The following LAMA2 variants were observed in gnomAD, a reference collection of about 807,000 sequenced individuals.
LAMA2 encodes laminin subunit alpha 2.
Under a neutral mutation model 364.8 loss-of-function variants are expected in LAMA2, and 269 were observed. The observed-to-expected ratio is 0.74, with a 90% CI of 0.67 to 0.82. The LOEUF is 0.82. Among genes scored for constraint, LAMA2 ranks in the 40% least tolerant of loss-of-function variants. LAMA2 has a pLI of 0.00. For synonymous variants in LAMA2, 1,379 were observed against 1,370.6 expected, an observed-to-expected ratio of 1.01 and a Z score of -0.14; for missense variants, 3,807 against 3,873.2, an observed-to-expected ratio of 0.98 and a Z score of 0.45.
chr6:129,349,406 A>G lies in LAMA2; in HGVS notation c.4523+22A>G, dbSNP rs201448371. 1.5e-5 allele frequency: 23 copies of G among 1,562,640 alleles called. No homozygotes were observed. In the African/African-American group the frequency reaches 2.8e-4, roughly 19 times the overall value. ...AAAGGTACCAACAGCCATGAAACGT[A>G]CAGAGTAATGATATGTAGGGACTAT... On this transcript the variant is annotated intron_variant, in intron 31 of 64. Coordinates refer to ENST00000421865, the MANE Select transcript of LAMA2 (RefSeq NM_000426.4).
chr6:129,439,846 ATATC>A (rs908418949), intron 42 of LAMA2, among the ~76,000 whole-genome samples: 123 of 138,028 alleles, frequency 8.9e-4, no homozygotes, highest in East Asian at 2.2e-3. Flanking sequence ...ATATATATAT[ATATC>A]TATCTCAATT....
At position 129,146,950 on chromosome 6, in the gene LAMA2, T is replaced by A. The variant is rs1778492207; in HGVS notation, c.820-9T>A. ...TTAACAGGATTTCTCTCTGGATTGC[T>A]TTTTGCAGTATTACTACTCGGTCAA... On this transcript the variant is annotated splice_polypyrimidine_tract_variant and intron_variant, in intron 5 of 64. Coordinates refer to ENST00000421865, the MANE Select transcript of LAMA2 (RefSeq NM_000426.4). The A allele has an allele frequency of 2.5e-6, 4 of 1,577,906 alleles. No homozygotes were observed. Among genetic ancestry groups the A allele is most frequent in the Non-Finnish European group, 3.5e-6 (4 of 1,147,338 alleles).
intron 1 of LAMA2, among the ~76,000 whole-genome samples, chr6:128,937,591 A>G (rs556796110): frequency 6.6e-6 from 1 of 152,084 alleles, no homozygotes; most frequent in African/African-American, 2.4e-5. Flanking sequence ...TTGGTGTATA[A>G]TTGTTCATAG....
chr6:129,353,289 C>A lies in LAMA2; in HGVS notation c.4649C>A (p.Pro1550His), dbSNP rs1554278657. The change falls in exon 32 of 65, where the codon CCT becomes CAT. Residue 1550 changes from proline to histidine, a missense_variant. By Grantham distance (77) the Pro-to-His change is moderately conservative. Coordinates refer to ENST00000421865, the MANE Select transcript of LAMA2 (RefSeq NM_000426.4). ...DPVTGFCTCRPGATGRKCDGC... is the reference protein window; with the variant it reads ...DPVTGFCTCRHGATGRKCDGC... ...GTCACAGGATTCTGCACGTGCCGAC[C>A]TGGAGCCACGGGAAGGAAGTGTGAC... The A allele has an allele frequency of 6.2e-7, 1 of 1,614,130 alleles. No homozygotes were observed. The highest frequency in any genetic ancestry group is 2.2e-5 in the East Asian group (1 of 44,882).
chr6:129,448,068 G>A (rs972758849), intron 45 of LAMA2, among the ~76,000 whole-genome samples: 2 of 152,128 alleles, frequency 1.3e-5, no homozygotes, highest in Non-Finnish European at 1.5e-5. Flanking sequence ...CAGGCAGATT[G>A]CATGAACTCA....
At chr6:129,378,994 G>T (rs1333731069) in intron 34 of LAMA2, among the ~76,000 whole-genome samples, 1 of 152,038 alleles carries the variant, frequency 6.6e-6, no homozygotes, top group Non-Finnish European at 1.5e-5. Flanking sequence ...AAGAAAATGT[G>T]GTACATACAC....
intron 22 of LAMA2, among the ~76,000 whole-genome samples, chr6:129,305,928 G>T (rs975645193): frequency 1.3e-5 from 2 of 148,958 alleles, no homozygotes; most frequent in South Asian, 2.1e-4. Flanking sequence ...CTTTGGTTTT[G>T]TCTAGGAATA....
intron 9 of LAMA2, among the ~76,000 whole-genome samples, chr6:129,170,674 T>G (rs537747452): frequency 6.6e-4 from 101 of 152,192 alleles, no homozygotes; most frequent in African/African-American, 2.2e-3. Flanking sequence ...AGATGTTTAT[T>G]AGGTCCGCTT....
intron 37 of LAMA2, among the ~76,000 whole-genome samples, chr6:129,395,918 T>A (rs1006558361): frequency 2.0e-5 from 3 of 152,164 alleles, no homozygotes; most frequent in African/African-American, 7.2e-5. Context: ...GAAGACTGCA[T>A]GTGAACGACT....
intron 29 of LAMA2, among the ~76,000 whole-genome samples, chr6:129,340,830 C>CA (rs34264921): frequency 0.066 from 3,907 of 58,872 alleles, 132 homozygotes; most frequent in Non-Finnish European, 0.085. Flanking sequence ...AGCTCTGTCT[C>CA]AAAAAAAAAA....
chr6:129,126,442 A>T (rs1777119273), intron 4 of LAMA2, among the ~76,000 whole-genome samples: 1 of 152,220 alleles, frequency 6.6e-6, no homozygotes, highest in African/African-American at 2.4e-5. Context: ...ACATAAAAAT[A>T]AAATGTTTCT....
intron 3 of LAMA2, among the ~76,000 whole-genome samples, chr6:129,089,050 G>C (rs9402103): frequency 6.6e-6 from 1 of 152,092 alleles, no homozygotes; most frequent in Non-Finnish European, 1.5e-5. Flanking sequence ...ACGAGACTCC[G>C]TCTGCAATCT....
At chr6:129,112,584 A>G (rs1289814887) in intron 4 of LAMA2, among the ~76,000 whole-genome samples, 1 of 152,046 alleles carries the variant, frequency 6.6e-6, no homozygotes, top group Non-Finnish European at 1.5e-5. Context: ...ATAAATAAAT[A>G]TTGAGCACTG....
chr6:129,391,792 C>CATCTATCTATCTATCT lies in LAMA2; in HGVS notation c.5234+150_5234+165dup, dbSNP rs10648375. ...TGGAGATATTTGCTATGTTATCTAT[C>CATCTATCTATCTATCT]ATCTATCTATCTATCTATCTATCTA... On this transcript the variant is annotated intron_variant, in intron 36 of 64. Transcript: ENST00000421865. 364 of 681,640 alleles carry CATCTATCTATCTATCT rather than the reference C, an allele frequency of 5.3e-4. 1 individual carries two copies. In the African/African-American group the frequency reaches 6.5e-3, roughly 12 times the overall value. 42.2% of individuals were successfully genotyped at this position (681,640 alleles called of 1,614,324 possible).
At chr6:129,103,209 T>A (rs996239479) in intron 4 of LAMA2, among the ~76,000 whole-genome samples, 1 of 152,222 alleles carries the variant, frequency 6.6e-6, no homozygotes, top group Non-Finnish European at 1.5e-5. Context: ...ATTTATCCAG[T>A]TTGTCTAGTT....
intron 3 of LAMA2, among the ~76,000 whole-genome samples, chr6:129,062,698 A>C (rs915049495): frequency 1.3e-5 from 2 of 152,166 alleles, no homozygotes; most frequent in Non-Finnish European, 2.9e-5. Flanking sequence ...TAAAATTATA[A>C]TGAATAGGTA....
At chr6:129,096,877 C>T (rs999561604) in intron 3 of LAMA2, among the ~76,000 whole-genome samples, 4 of 152,184 alleles carry the variant, frequency 2.6e-5, no homozygotes, top group Admixed American at 6.5e-5. Context: ...GCATCAGAGC[C>T]ACCTGTATTA....
intron 41 of LAMA2, among the ~76,000 whole-genome samples, chr6:129,435,716 G>A (rs1781799283): frequency 1.3e-5 from 2 of 152,158 alleles, no homozygotes; most frequent in Admixed American, 1.3e-4. Flanking sequence ...AGTTTAAGGT[G>A]TCTGCCTATA....
intron 4 of LAMA2, among the ~76,000 whole-genome samples, chr6:129,113,671 A>G (rs1173480308): frequency 6.6e-6 from 1 of 152,094 alleles, no homozygotes; most frequent in Non-Finnish European, 1.5e-5. Context: ...AAGACTACAA[A>G]TAGTGTTCTT....
Sources: gnomAD v4.1 joint callset for allele counts (sites outside exome capture counted in the v4.1 genomes callset) on GRCh38, gnomAD v4.1.1 for gene constraint, MANE v1.5 for transcripts, NCBI Gene and HGNC (gene_info 2026-07-23, HGNC 2026-07-21) for gene names.